Variants in CAPS2 observed in about 807,000 individuals in gnomAD.
CAPS2 encodes calcyphosine 2, also known as calcyphosin-2.
Under a neutral mutation model 86.5 loss-of-function variants are expected in CAPS2, and 98 were observed. The ratio of observed to expected loss-of-function variants is 1.13; its 90% CI spans 0.96 to 1.34. CAPS2 has a LOEUF of 1.34. CAPS2 is among the 40% of genes most tolerant of loss of function. The probability of loss-of-function intolerance (pLI) is 0.00; values close to 1 mark genes in which losing one functional copy is unlikely to be tolerated. For synonymous variants in CAPS2, 210 were observed against 225.1 expected (o/e 0.93, Z 0.60); for missense variants, 729 against 686.8 (o/e 1.06, Z -0.69).
chr12:75,316,955 C>T (rs1323297277), intron 5 of CAPS2, among the ~76,000 whole-genome samples: 1 of 151,932 alleles, frequency 6.6e-6, no homozygotes, highest in African/African-American at 2.4e-5. Context: ...TACGCTACCC[C>T]AGCAAAACAA....
chr12:75,295,199 A>AT (rs990195076), intron 11 of CAPS2: 4 of 152,230 alleles, frequency 2.6e-5, no homozygotes, highest in African/African-American at 9.6e-5. Flanking sequence ...AGATTTCTCA[A>AT]TTTTTTTAGT....
At chr12:75,300,339 G>A (rs190851028) in intron 8 of CAPS2, among the ~76,000 whole-genome samples, 181 of 151,940 alleles carry the variant, frequency 1.2e-3, no homozygotes, top group Middle Eastern at 3.4e-3. Context: ...GGTGGATCAC[G>A]AGGTCAGGAG....
chr12:75,312,999 T>G (rs2039392892), intron 6 of CAPS2, 84 bp from the exon 7 acceptor site: 1 of 716,426 alleles, frequency 1.4e-6, no homozygotes, highest in South Asian at 1.8e-5. Context: ...AAACATAAAT[T>G]AAATATCTCT....
chr12:75,278,926 G>T (rs1303218392), exon 17 of CAPS2: 1 of 1,599,238 alleles, frequency 6.3e-7, no homozygotes, highest in Non-Finnish European at 8.5e-7. Context: ...TGTTAACAAA[G>T]TCTTCATCAT....
At chr12:75,305,418 G>A (rs996320660) in intron 7 of CAPS2, 10 of 441,676 alleles carry the variant, frequency 2.3e-5, no homozygotes, top group Admixed American at 3.8e-5. Flanking sequence ...GCTCCTGGAC[G>A]CAGAGGCTCT....
At chr12:75,328,129 T>G (rs2040957296), upstream of CAPS2, among the ~76,000 whole-genome samples, 1 of 152,132 alleles carries the variant, frequency 6.6e-6, no homozygotes, top group Admixed American at 6.5e-5. Context: ...AGAGCTATTT[T>G]TCACAAAGAA....
chr12:75,278,607 G>A (rs146239892), exon 17 of CAPS2: 78 of 1,073,780 alleles, frequency 7.3e-5, no homozygotes, highest in Middle Eastern at 4.2e-4. Flanking sequence ...TAAAATATAC[G>A]CAAGATAAGT....
chr12:75,388,736 C>A (rs12371293), intron 1 of CAPS2, among the ~76,000 whole-genome samples: 48,827 of 151,838 alleles, frequency 0.32, 8,656 homozygotes, highest in East Asian at 0.46. Context: ...ACATTTATAC[C>A]AACCCATGAA....
chr12:75,319,960 C>A (rs1191342706), intron 5 of CAPS2, among the ~76,000 whole-genome samples: 1 of 152,032 alleles, frequency 6.6e-6, no homozygotes, highest in Non-Finnish European at 1.5e-5. Flanking sequence ...GTTCCTCAAA[C>A]CCCTTAAGTA....
chr12:75,376,394 G>T (rs2044649718), intron 1 of CAPS2, among the ~76,000 whole-genome samples: 1 of 152,152 alleles, frequency 6.6e-6, no homozygotes, highest in South Asian at 2.1e-4. Flanking sequence ...TTGGAGTGTA[G>T]TGCACTTCTT....
chr12:75,367,226 T>C (rs895207057), intron 1 of CAPS2, among the ~76,000 whole-genome samples: 1 of 133,408 alleles, frequency 7.5e-6, no homozygotes, highest in Non-Finnish European at 1.5e-5. Flanking sequence ...AGAATGTACC[T>C]CTAAACTAGA....
intron 1 of CAPS2, among the ~76,000 whole-genome samples, chr12:75,384,190 AAATT>A (rs2045157836): frequency 6.6e-6 from 1 of 152,182 alleles, no homozygotes; most frequent in Non-Finnish European, 1.5e-5. Flanking sequence ...ATTGAAAACA[AAATT>A]AATAGAGAAA....
At chr12:75,301,551 G>T (rs1345039153) in intron 8 of CAPS2, among the ~76,000 whole-genome samples, 1 of 152,172 alleles carries the variant, frequency 6.6e-6, no homozygotes, top group Non-Finnish European at 1.5e-5. Context: ...ACTTTAATGT[G>T]TATTGGTTTA....
chr12:75,321,810 C>T (rs1236985290), intron 4 of CAPS2, among the ~76,000 whole-genome samples: 1 of 152,064 alleles, frequency 6.6e-6, no homozygotes, highest in Non-Finnish European at 1.5e-5. Context: ...TACCAGTAAG[C>T]TTATACCTTG....
At chr12:75,316,194 A>G (rs2039740889) in intron 6 of CAPS2, 118 bp downstream of exon 6, 1 of 1,260,908 alleles carries the variant, frequency 7.9e-7, no homozygotes, top group African/African-American at 1.5e-5. Context: ...CCATTAATGA[A>G]TATTCACCCG....
exon 14 of CAPS2, chr12:75,289,745 C>T (rs1429707770): frequency 6.2e-7 from 1 of 1,612,508 alleles, no homozygotes; most frequent in Non-Finnish European, 8.5e-7. Context: ...AATACGAACA[C>T]CTCTTTTATG....
intron 1 of CAPS2, among the ~76,000 whole-genome samples, chr12:75,378,200 C>T (rs3923914): frequency 0.32 from 48,819 of 151,756 alleles, 8,646 homozygotes; most frequent in East Asian, 0.46. Flanking sequence ...GGTTTTGCCA[C>T]GTTGCCCAGG....
chr12:75,323,272 A>G (rs1160035316), intron 2 of CAPS2, 50 bp from the exon 4 acceptor site: 3 of 1,379,688 alleles, frequency 2.2e-6, no homozygotes, highest in Non-Finnish European at 3.0e-6. Flanking sequence ...TGAAACTTTA[A>G]TAAATGCAAA....
At chr12:75,333,061 T>C (rs369815517), upstream of CAPS2, among the ~76,000 whole-genome samples, 1 of 152,210 alleles carries the variant, frequency 6.6e-6, no homozygotes, top group African/African-American at 2.4e-5. Context: ...GAACTAGCCA[T>C]GGTCAGATTA....
Sources: gnomAD v4.1 joint callset for allele counts (sites outside exome capture counted in the v4.1 genomes callset) on GRCh38, gnomAD v4.1.1 for gene constraint, MANE v1.5 for transcripts, NCBI Gene and HGNC (gene_info 2026-07-23, HGNC 2026-07-21) for gene names.